DOCK11: variants seen among roughly 807,000 people sequenced by gnomAD.
The protein encoded by DOCK11 is dedicator of cytokinesis 11, also known as dedicator of cytokinesis protein 11.
Under a neutral mutation model 169.1 loss-of-function variants are expected in DOCK11, and 70 were observed. The observed-to-expected ratio is 0.41, with a 90% confidence interval of 0.34 to 0.51. The LOEUF (loss-of-function observed/expected upper bound fraction) is 0.51. DOCK11 is among the 20% of genes least tolerant of loss of function. The pLI, the probability that DOCK11 is intolerant of heterozygous loss-of-function variation, is 0.10. For missense variants in DOCK11, 1,166 were observed against 1,538.8 expected (o/e 0.76, Z 4.05); for synonymous variants, 529 against 541.3 (o/e 0.98, Z 0.32).
chrX:118,675,527 A>G (rs1020212667), intron 46 of DOCK11, among the ~76,000 whole-genome samples: 24 of 108,403 alleles, frequency 2.2e-4, no homozygotes, highest in African/African-American at 7.4e-4. Flanking sequence ...GAGCTGAACA[A>G]TGAGAACCCA....
At chrX:118,530,030 C>T (rs1413797403) in intron 1 of DOCK11, among the ~76,000 whole-genome samples, 3 of 112,292 alleles carry the variant, frequency 2.7e-5, no homozygotes, top group Non-Finnish European at 5.6e-5. Context: ...TGTGATCCAA[C>T]ATATTTCTCA....
At chrX:118,557,584 T>C (rs920786115) in intron 6 of DOCK11, among the ~76,000 whole-genome samples, 3 of 107,491 alleles carry the variant, frequency 2.8e-5, no homozygotes, top group Non-Finnish European at 5.8e-5. Context: ...GCTAACATGG[T>C]GAAACCCCGT....
At chrX:118,590,137 C>G in intron 18 of DOCK11, 73 bp from the exon 19 acceptor site, 4 of 936,126 alleles carry the variant, frequency 4.3e-6, no homozygotes, top group Non-Finnish European at 4.6e-6. Context: ...ATGCCTCTAA[C>G]TATATGTGGT....
At chrX:118,598,593 A>G (rs2014242091) in intron 22 of DOCK11, among the ~76,000 whole-genome samples, 1 of 111,119 alleles carries the variant, frequency 9.0e-6, no homozygotes, top group Non-Finnish European at 1.9e-5. Context: ...AGTAGTAATC[A>G]GGGGAATCAG....
chrX:118,532,745 C>A (rs1221596458), intron 1 of DOCK11, among the ~76,000 whole-genome samples: 1 of 99,837 alleles, frequency 1.0e-5, no homozygotes, highest in African/African-American at 3.7e-5. Context: ...CGCGCCACTG[C>A]ACCCCAGCCT....
rs759336996 is a variant in DOCK11, at chrX:118,682,503, C to T, written c.5964-576C>T. The stretch of plus-strand genomic sequence containing the variant: ...ATTAATGCCTGGTACATGCAAAAGA[C>T]TATTTGTTGCTATGACAGGGATATA... On this transcript the variant is annotated intron_variant, in intron 51 of 52. Transcript: ENST00000276202. 3.6e-5 allele frequency among the ~76,000 whole-genome samples: 4 copies of T among 111,686 alleles called. No individual in the cohort carries two copies. The South Asian group carries it at 1.1e-3, about 32-fold the overall frequency.
intron 40 of DOCK11, among the ~76,000 whole-genome samples, chrX:118,647,851 A>T (rs1243770208): frequency 1.8e-5 from 1 of 54,095 alleles, no homozygotes; most frequent in South Asian, 1.2e-3. Flanking sequence ...ATATATTATA[A>T]TATAATATTT....
In DOCK11 at chrX:118,640,399, C is replaced by A. The variant is rs186687059; in HGVS notation, c.4145-791C>A. 5.7e-4 allele frequency among the ~76,000 whole-genome samples: 64 copies of A among 112,416 alleles called. 2 individuals are homozygous for A. Among genetic ancestry groups the A allele is most frequent in the Admixed American group, 5.6e-3 (60 of 10,654 alleles). On this transcript the variant is annotated intron_variant, in intron 38 of 52. Coordinates refer to ENST00000276202, the MANE Select transcript of DOCK11 (RefSeq NM_144658.4). ...AATAGACTCAGGACCTTTAAATCTGCATGTTTTAAAGCCTTCAGCTTCTTG... is the reference window on the plus strand; with the variant it reads ...AATAGACTCAGGACCTTTAAATCTGAATGTTTTAAAGCCTTCAGCTTCTTG...
chrX:118,670,945 T>G (rs2016454600), intron 45 of DOCK11, 78 bp from the exon 46 acceptor site: 6 of 1,025,494 alleles, frequency 5.9e-6, no homozygotes, highest in Admixed American at 3.0e-5. Flanking sequence ...TTCTACCAAC[T>G]TGAAATGCTT....
chrX:118,660,149 CAA>C (rs2016177268), intron 44 of DOCK11, among the ~76,000 whole-genome samples: 1 of 111,939 alleles, frequency 8.9e-6, no homozygotes, highest in Non-Finnish European at 1.9e-5. Context: ...CGCTACTGCA[CAA>C]AGAGTATCCC....
chrX:118,669,120 A>G (rs1429716638), intron 45 of DOCK11, among the ~76,000 whole-genome samples: 1 of 111,799 alleles, frequency 8.9e-6, no homozygotes, highest in Non-Finnish European at 1.9e-5. Context: ...TCAGAACCCT[A>G]TGGCAGATGT....
intron 44 of DOCK11, among the ~76,000 whole-genome samples, chrX:118,657,750 A>G (rs2016110947): frequency 9.0e-6 from 1 of 111,357 alleles, no homozygotes; most frequent in South Asian, 3.7e-4. Flanking sequence ...GAAACCAAAT[A>G]TTGTATGTTC....
intron 31 of DOCK11, among the ~76,000 whole-genome samples, chrX:118,619,331 G>A (rs1396510917): frequency 4.8e-5 from 5 of 104,236 alleles, no homozygotes; most frequent in African/African-American, 6.9e-5. Flanking sequence ...AAAATTAGCC[G>A]GGCGTGGTGG....
At position 118,655,229 on chromosome X, in the gene DOCK11, G is replaced by A. The variant is rs766529507; in HGVS notation, c.4969+268G>A. On this transcript the variant is annotated intron_variant, in intron 44 of 52. Coordinates refer to ENST00000276202, the MANE Select transcript of DOCK11 (RefSeq NM_144658.4). ...TGCCTGTAATCCCAGTGCTTTGGGAGGCCAAGGCTGGAGGATTGCTTGAGG... is the reference window on the plus strand; with the variant it reads ...TGCCTGTAATCCCAGTGCTTTGGGAAGCCAAGGCTGGAGGATTGCTTGAGG... Among the ~76,000 whole-genome samples, 218 of 111,453 alleles carry A rather than the reference G, an allele frequency of 2.0e-3. 1 individual carries two copies. Among genetic ancestry groups the A allele is most frequent in the African/African-American group, 6.6e-3 (203 of 30,696 alleles).
chrX:118,621,203 C>T lies in DOCK11; in HGVS notation c.3471+2475C>T, dbSNP rs1016559881. Among the ~76,000 whole-genome samples the T allele has an allele frequency of 9.8e-5, 11 of 112,309 alleles. No individual in the cohort carries two copies. In the East Asian group the frequency reaches 1.1e-3, roughly 11 times the overall value. On this transcript the variant is annotated intron_variant, in intron 31 of 52. Transcript: ENST00000276202. Reference sequence around the variant, plus strand: ...GAGGCTTCATACAGGCATTAAATGACGATAGAGTTTTCTCCATAAGAAGTT... The same window carrying T: ...GAGGCTTCATACAGGCATTAAATGATGATAGAGTTTTCTCCATAAGAAGTT...
intron 19 of DOCK11, among the ~76,000 whole-genome samples, chrX:118,591,665 A>G (rs1299906337): frequency 9.7e-6 from 1 of 102,883 alleles, no homozygotes; most frequent in Admixed American, 1.1e-4. Context: ...AAGTTTTAGG[A>G]TACATGTGCA....
chrX:118,535,297 A>C (rs769400713), intron 1 of DOCK11, among the ~76,000 whole-genome samples: 6 of 111,955 alleles, frequency 5.4e-5, no homozygotes. Flanking sequence ...AATATGTGAC[A>C]CTGGACCTGC....
chrX:118,611,682 G>A (rs1012625452), intron 28 of DOCK11, among the ~76,000 whole-genome samples: 3 of 112,446 alleles, frequency 2.7e-5, no homozygotes, highest in Non-Finnish European at 3.8e-5. Flanking sequence ...CCATCATTAG[G>A]TTTTGTTATT....
chrX:118,557,824 C>T (rs1275842036), intron 6 of DOCK11, among the ~76,000 whole-genome samples: 1 of 103,974 alleles, frequency 9.6e-6, no homozygotes, highest in Non-Finnish European at 2.0e-5. Context: ...TAATCTGAGG[C>T]CAAATCCTGT....
Sources: gnomAD v4.1 joint callset for allele counts (sites outside exome capture counted in the v4.1 genomes callset) on GRCh38, gnomAD v4.1.1 for gene constraint, MANE v1.5 for transcripts, NCBI Gene and HGNC (gene_info 2026-07-23, HGNC 2026-07-21) for gene names.